TTC6: variants seen among roughly 807,000 people sequenced by gnomAD.
TTC6 encodes tetratricopeptide repeat domain 6.
In TTC6, 172 loss-of-function variants were observed where a neutral mutation model predicts 210.4. The observed-to-expected ratio is 0.82, with a 90% CI of 0.72 to 0.93. The LOEUF is 0.93. Among genes scored for constraint, TTC6 ranks in the 40% least tolerant of loss-of-function variants. The pLI is 0.00. For missense variants in TTC6, 2,414 were observed against 2,318.1 expected (o/e 1.04, Z -0.85); for synonymous variants, 804 against 819.6 (o/e 0.98, Z 0.32).
intron 1 of TTC6, among the ~76,000 whole-genome samples, chr14:37,604,673 A>G (rs1254662804): frequency 6.6e-6 from 1 of 152,056 alleles, no homozygotes. Context: ...GCACCCGGGA[A>G]GGAGAGGGGA....
intron 5 of TTC6, among the ~76,000 whole-genome samples, chr14:37,709,625 T>C (rs1197613249): frequency 2.7e-5 from 4 of 150,712 alleles, no homozygotes; most frequent in African/African-American, 9.8e-5. Context: ...CAGATGTCAC[T>C]GTTTGCATGT....
intron 1 of TTC6, among the ~76,000 whole-genome samples, chr14:37,636,699 T>G (rs2095681501): frequency 6.6e-6 from 1 of 152,210 alleles, no homozygotes; most frequent in Non-Finnish European, 1.5e-5. Flanking sequence ...CCACCTAATG[T>G]TATAATGGCT....
intron 15 of TTC6, among the ~76,000 whole-genome samples, chr14:37,789,346 T>TG (rs1249787483): frequency 2.6e-5 from 4 of 151,246 alleles, no homozygotes; most frequent in Non-Finnish European, 5.9e-5. Context: ...AAGAGTTTTT[T>TG]TATTGTTTGT....
intron 10 of TTC6, among the ~76,000 whole-genome samples, chr14:37,744,022 G>A (rs915795028): frequency 1.3e-5 from 2 of 152,178 alleles, no homozygotes; most frequent in Non-Finnish European, 2.9e-5. Flanking sequence ...AATGAGGTAA[G>A]TATTCAAGTC....
chr14:37,770,444 C>T (rs1235279104), intron 14 of TTC6, among the ~76,000 whole-genome samples: 1 of 151,720 alleles, frequency 6.6e-6, no homozygotes, highest in Non-Finnish European at 1.5e-5. Flanking sequence ...GTCTAAGTCT[C>T]TTTGTAGGTC....
chr14:37,616,426 G>T (rs1486391724), intron 2 of TTC6, among the ~76,000 whole-genome samples: 1 of 152,162 alleles, frequency 6.6e-6, no homozygotes, highest in Non-Finnish European at 1.5e-5. Flanking sequence ...CACAAATGTT[G>T]ACTTTCCTCT....
intron 20 of TTC6, 71 bp from the exon 23 acceptor site, chr14:37,804,609 A>G (rs2096114138): frequency 6.5e-7 from 1 of 1,546,912 alleles, no homozygotes; most frequent in South Asian, 1.2e-5. Flanking sequence ...TTTAACATAT[A>G]AGGCTGTAAC....
intron 1 of TTC6, among the ~76,000 whole-genome samples, chr14:37,673,629 G>T (rs555491505): frequency 6.6e-6 from 1 of 152,236 alleles, no homozygotes; most frequent in South Asian, 2.1e-4. Flanking sequence ...TGCGGCTTCT[G>T]TTGCTGTCCA....
At chr14:37,604,428 G>A (rs1029115840) in intron 1 of TTC6, among the ~76,000 whole-genome samples, 5 of 152,118 alleles carry the variant, frequency 3.3e-5, no homozygotes, top group African/African-American at 9.7e-5. Context: ...GAACCAGACT[G>A]GGGTAGCAGA....
At chr14:37,822,565 C>A (rs890727287) in intron 26 of TTC6, among the ~76,000 whole-genome samples, 1 of 152,178 alleles carries the variant, frequency 6.6e-6, no homozygotes, top group Non-Finnish European at 1.5e-5. Flanking sequence ...AGGTGTTCTT[C>A]ACATGTTCTT....
At chr14:37,731,033 A>T (rs1221936289) in intron 7 of TTC6, among the ~76,000 whole-genome samples, 4 of 152,202 alleles carry the variant, frequency 2.6e-5, no homozygotes, top group African/African-American at 9.6e-5. Flanking sequence ...CATGTACAGT[A>T]GATTCTTGTC....
intron 5 of TTC6, among the ~76,000 whole-genome samples, chr14:37,704,692 G>C (rs1384485086): frequency 1.3e-5 from 2 of 151,590 alleles, no homozygotes; most frequent in Non-Finnish European, 2.9e-5. Context: ...TTTTGTTTAT[G>C]GTGTTTTATG....
At chr14:37,753,374 A>T in intron 14 of TTC6, 139 bp downstream of exon 16, 1 of 731,298 alleles carries the variant, frequency 1.4e-6, no homozygotes. Flanking sequence ...GTAAATGAAA[A>T]ATCCTTGCTT....
At chr14:37,819,982 C>G (rs2096151719) in intron 26 of TTC6, among the ~76,000 whole-genome samples, 1 of 152,188 alleles carries the variant, frequency 6.6e-6, no homozygotes, top group Non-Finnish European at 1.5e-5. Context: ...ACTCATTTAA[C>G]ATACTTTTAC....
intron 14 of TTC6, among the ~76,000 whole-genome samples, chr14:37,782,026 G>C (rs2096056319): frequency 6.6e-6 from 1 of 152,130 alleles, no homozygotes; most frequent in South Asian, 2.1e-4. Flanking sequence ...TTTGGTTACT[G>C]TAGCCTTGTA....
intron 6 of TTC6, among the ~76,000 whole-genome samples, chr14:37,717,860 G>T (rs1435849799): frequency 2.0e-5 from 3 of 152,220 alleles, no homozygotes; most frequent in African/African-American, 4.8e-5. Flanking sequence ...AATTGTCGTT[G>T]TAACAGTATT....
At chr14:37,655,208 A>G (rs144873051) in intron 1 of TTC6, among the ~76,000 whole-genome samples, 2,457 of 152,270 alleles carry the variant, frequency 0.016, 32 homozygotes, top group South Asian at 0.062. Flanking sequence ...GAATTATCAT[A>G]CTCTAAAGAT....
intron 26 of TTC6, among the ~76,000 whole-genome samples, chr14:37,819,003 G>C (rs1453426708): frequency 6.6e-6 from 1 of 152,118 alleles, no homozygotes; most frequent in Non-Finnish European, 1.5e-5. Flanking sequence ...CTGTATGTCA[G>C]TTCACAATCT....
intron 1 of TTC6, among the ~76,000 whole-genome samples, chr14:37,606,289 C>G (rs577540400): frequency 2.0e-5 from 3 of 152,244 alleles, no homozygotes; most frequent in African/African-American, 7.2e-5. Context: ...CTGGCTGCCC[C>G]CTTTGCCTAC....
Sources: gnomAD v4.1 joint callset for allele counts (sites outside exome capture counted in the v4.1 genomes callset) on GRCh38, gnomAD v4.1.1 for gene constraint, MANE v1.5 for transcripts, NCBI Gene and HGNC (gene_info 2026-07-23, HGNC 2026-07-21) for gene names.